MED27: variants seen among roughly 807,000 people sequenced by gnomAD.
MED27 encodes mediator complex subunit 27.
Under a neutral mutation model 38.2 loss-of-function variants are expected in MED27, and 30 were observed. That is an observed-to-expected ratio of 0.79 (90% CI 0.59 to 1.07). MED27 has a LOEUF of 1.07. Ranked by LOEUF, MED27 falls within the 50% of genes least tolerant of loss-of-function variation. MED27 has a pLI of 0.00. For synonymous variants in MED27, 122 were observed against 153.5 expected (o/e 0.79, Z 1.52); for missense variants, 289 against 397.5 (o/e 0.73, Z 2.32).
At chr9:131,884,717 C>T (rs1473199429) in intron 5 of MED27, among the ~76,000 whole-genome samples, 6 of 151,032 alleles carry the variant, frequency 4.0e-5, no homozygotes, top group African/African-American at 1.5e-4. Context: ...AAGTGATTCT[C>T]CTGCTTCAGC....
intron 2 of MED27, among the ~76,000 whole-genome samples, chr9:132,034,561 G>C (rs890729841): frequency 1.3e-5 from 2 of 152,212 alleles, no homozygotes; most frequent in Admixed American, 6.5e-5. Context: ...TAGGTCGAAA[G>C]GTAGCTAAAA....
chr9:132,033,189 C>T (rs1833000523), intron 2 of MED27, among the ~76,000 whole-genome samples: 1 of 152,132 alleles, frequency 6.6e-6, no homozygotes, highest in Non-Finnish European at 1.5e-5. Flanking sequence ...ATCCAAAGCT[C>T]CCCTGACATT....
intron 3 of MED27, among the ~76,000 whole-genome samples, chr9:131,994,616 G>C (rs941895760): frequency 1.3e-5 from 2 of 152,202 alleles, no homozygotes; most frequent in Non-Finnish European, 2.9e-5. Context: ...ATCTTTGCTA[G>C]AGCAGAACAA....
intron 3 of MED27, among the ~76,000 whole-genome samples, chr9:131,994,903 G>T (rs2131047506): frequency 6.6e-6 from 1 of 152,300 alleles, no homozygotes; most frequent in East Asian, 1.9e-4. Context: ...TTGGTTTACA[G>T]ACAGGTCACT....
At chr9:131,910,895 T>C (rs1278505909) in intron 4 of MED27, among the ~76,000 whole-genome samples, 2 of 152,172 alleles carry the variant, frequency 1.3e-5, no homozygotes, top group Non-Finnish European at 2.9e-5. Context: ...CCAGCAGACT[T>C]CCCATCTATC....
At chr9:131,950,709 C>T (rs1351668344) in intron 3 of MED27, among the ~76,000 whole-genome samples, 1 of 152,152 alleles carries the variant, frequency 6.6e-6, no homozygotes, top group African/African-American at 2.4e-5. Flanking sequence ...GACAAACACG[C>T]TATTTGTATG....
At chr9:132,073,848 T>C (rs766883833) in intron 2 of MED27, 1 of 1,360,604 alleles carries the variant, frequency 7.3e-7, no homozygotes, top group Non-Finnish European at 9.5e-7. Context: ...TCTGGGGTCT[T>C]TGCAGCTTCA....
chr9:132,062,597 G>A (rs569840210), intron 2 of MED27, among the ~76,000 whole-genome samples: 2 of 148,664 alleles, frequency 1.3e-5, no homozygotes, highest in East Asian at 4.0e-4. Context: ...TCCTGAGCAC[G>A]AGAAGGAGTC....
At chr9:131,898,361 T>C (rs535819261) in intron 4 of MED27, among the ~76,000 whole-genome samples, 1 of 151,948 alleles carries the variant, frequency 6.6e-6, no homozygotes, top group African/African-American at 2.4e-5. Flanking sequence ...CAGCCTCCTG[T>C]CACCACACCC....
intron 2 of MED27, among the ~76,000 whole-genome samples, chr9:132,069,271 G>A (rs1415945727): frequency 2.6e-5 from 4 of 151,722 alleles, no homozygotes; most frequent in East Asian, 1.9e-4. Flanking sequence ...CCTCCCTGGG[G>A]CCGGCCAGTG....
At position 132,059,711 on chromosome 9, in the gene MED27, C is replaced by T. The variant is rs144201781; in HGVS notation, c.348+17731G>A. ...ATCCTCGGGAAAGCAGCCATTAATGCGCCTTGCCCAAAACCCAGCTGAAGA... is the reference window on the plus strand; with the variant it reads ...ATCCTCGGGAAAGCAGCCATTAATGTGCCTTGCCCAAAACCCAGCTGAAGA... On this transcript the variant is annotated intron_variant, in intron 2 of 7. Transcript: ENST00000292035. Among the ~76,000 whole-genome samples, 564 of 152,314 alleles carry T rather than the reference C, an allele frequency of 3.7e-3. 3 individuals carry two copies. The highest frequency in any genetic ancestry group is 0.013 in the African/African-American group (542 of 41,564).
rs551201275 is a variant in MED27 at position 131,960,176 on chromosome 9, T to G, written c.480-20702A>C. Among the ~76,000 whole-genome samples the G allele has an allele frequency of 2.6e-5, 4 of 152,334 alleles. No homozygotes were observed. The South Asian group carries it at 8.3e-4, about 32-fold the overall frequency. ...ATAAAAACAATTATTTACTTAAATG[T>G]CAACGGCTTTAGAAATAGAAGCCAG... On this transcript the variant is annotated intron_variant, in intron 3 of 7. Transcript: ENST00000292035.
chr9:131,968,884 C>T (rs11243584), intron 3 of MED27, among the ~76,000 whole-genome samples: 13,826 of 152,134 alleles, frequency 0.091, 828 homozygotes, highest in South Asian at 0.17. Context: ...GCTCAGCAGC[C>T]GCCTTAGATT....
At position 131,860,564 on chromosome 9, in the gene MED27, C is replaced by T; in HGVS notation, c.910G>A (p.Ala304Thr). 6.4e-7 allele frequency: 1 copy of T among 1,563,726 alleles called. No homozygotes were observed. ...TACTGCCGGCAGGTGTCATGGAAGG[C>T]TTCGAGGGTTCGGAAATCCCTCCAT... The part of the protein sequence containing the change: ...PTWRDFRTLE[A>T]FHDTCRQ The change falls in exon 8 of 8, where the codon GCC (alanine) becomes ACC (threonine). Residue 304 changes from alanine (A) to threonine (T), a missense_variant. Ala to Thr is a moderately conservative substitution (Grantham distance 58). Coordinates refer to ENST00000292035, the MANE Select transcript of MED27 (RefSeq NM_004269.4). The surrounding 1 kb of genome is among the most constrained non-coding windows in gnomAD (Gnocchi z 5.8).
intron 3 of MED27, among the ~76,000 whole-genome samples, chr9:131,948,346 G>A (rs1312956865): frequency 6.6e-6 from 1 of 151,820 alleles, no homozygotes; most frequent in Non-Finnish European, 1.5e-5. Flanking sequence ...AACTAGCAGG[G>A]CATGGTGGCA....
At chr9:131,941,536 T>C (rs1830785507) in intron 3 of MED27, among the ~76,000 whole-genome samples, 1 of 152,064 alleles carries the variant, frequency 6.6e-6, no homozygotes, top group African/African-American at 2.4e-5. Flanking sequence ...GGGGAAAAAT[T>C]AGAGACGGCC....
chr9:131,929,190 C>T (rs964051369), intron 4 of MED27, among the ~76,000 whole-genome samples: 33 of 152,308 alleles, frequency 2.2e-4, no homozygotes, highest in African/African-American at 7.9e-4. Context: ...ACCAAAGGGC[C>T]CTTGGGCCCG....
At position 132,079,840 on chromosome 9, in the gene MED27, G is replaced by A. The variant is rs200200619; in HGVS notation, c.5C>T (p.Ala2Val). M[A>V]DVINVSVNLE... ...GTTCACACTGACATTTATCACGTCC[G>A]CCATGTTGCCGCCGCCACAGCAGCT... The change falls in exon 1 of 8, where the codon GCG (alanine) becomes GTG (valine). Residue 2 changes from alanine to valine, a missense_variant. By Grantham distance (64) the Ala-to-Val change is moderately conservative (BLOSUM62 0). Coordinates refer to ENST00000292035, the MANE Select transcript of MED27 (RefSeq NM_004269.4). 7.3e-5 allele frequency: 116 copies of A among 1,581,086 alleles called. No individual in the cohort carries two copies. The East Asian group carries it at 2.6e-3, about 36-fold the overall frequency.
intron 4 of MED27, among the ~76,000 whole-genome samples, chr9:131,909,029 G>A (rs1830140572): frequency 6.6e-6 from 1 of 152,134 alleles, no homozygotes; most frequent in South Asian, 2.1e-4. Context: ...CTAGGGTGGT[G>A]GCAGTAGAGA....
Sources: gnomAD v4.1 joint callset for allele counts (sites outside exome capture counted in the v4.1 genomes callset) on GRCh38, gnomAD v4.1.1 for gene constraint, Gnocchi (gnomAD v3.1) non-coding constraint, MANE v1.5 for transcripts, NCBI Gene and HGNC (gene_info 2026-07-23, HGNC 2026-07-21) for gene names.